PIWIL1: variants seen among roughly 807,000 people sequenced by gnomAD.
The protein encoded by PIWIL1 is piwi like RNA-mediated gene silencing 1, also known as piwi-like protein 1.
Under a neutral mutation model 114.4 loss-of-function variants are expected in PIWIL1, and 73 were observed. That is an observed-to-expected ratio of 0.64 (90% CI 0.53 to 0.78). The LOEUF is 0.78. Ranked by LOEUF, PIWIL1 falls within the 30% of genes least tolerant of loss-of-function variation. The pLI is 0.00. For synonymous variants in PIWIL1, 375 were observed against 369.0 expected (o/e 1.02, Z -0.19); for missense variants, 723 against 1,063.1 (o/e 0.68, Z 4.45).
chr12:130,391,912 A>G, the PIWIL1 span, among the ~76,000 whole-genome samples: 1 of 151,794 alleles, frequency 6.6e-6, no homozygotes, highest in South Asian at 2.1e-4. Flanking sequence ...TGCGTCAGTG[A>G]CCTGGTGAAT....
At chr12:130,347,528 C>G (rs2073101170) in intron 6 of PIWIL1, among the ~76,000 whole-genome samples, 1 of 152,182 alleles carries the variant, frequency 6.6e-6, no homozygotes, top group Admixed American at 6.5e-5. Flanking sequence ...GAGAAACAAT[C>G]TGGATAAGGC....
At chr12:130,376,801 A>G (rs1473062321), downstream of PIWIL1, among the ~76,000 whole-genome samples, 1 of 152,212 alleles carries the variant, frequency 6.6e-6, no homozygotes, top group Non-Finnish European at 1.5e-5. Flanking sequence ...AGTCACAGTG[A>G]TGAAGTCACA....
At chr12:130,425,852 C>G in the PIWIL1 span, 1 of 152,412 alleles carries the variant, frequency 6.6e-6, no homozygotes, top group Admixed American at 6.5e-5. Context: ...TCTGTCCCCC[C>G]TCTTGCTGTG....
intron 11 of PIWIL1, 46 bp from the exon 12 acceptor site, chr12:130,355,507 G>A: frequency 7.4e-7 from 1 of 1,346,122 alleles, no homozygotes; most frequent in Non-Finnish European, 1.1e-6. Context: ...GTGTCTTCTT[G>A]CTGTGTCTCT....
chr12:130,377,352 G>A (rs141234888), downstream of PIWIL1, among the ~76,000 whole-genome samples: 28 of 152,330 alleles, frequency 1.8e-4, 1 homozygote, highest in African/African-American at 6.5e-4. Context: ...CCCAACAGTG[G>A]TCCTTGATCC....
intron 11 of PIWIL1, 22 bp downstream of exon 11, chr12:130,355,027 G>C: frequency 7.0e-7 from 1 of 1,431,272 alleles, no homozygotes; most frequent in African/African-American, 1.4e-5. Context: ...ATTTCACTGG[G>C]GCAGGGTTTC....
the PIWIL1 span, chr12:130,383,736 T>C: frequency 6.6e-6 from 1 of 152,238 alleles, no homozygotes; most frequent in Non-Finnish European, 1.5e-5. Flanking sequence ...TACGTAATTT[T>C]TGTTAAAGCA....
At chr12:130,422,187 C>T in the PIWIL1 span, among the ~76,000 whole-genome samples, 3 of 152,176 alleles carry the variant, frequency 2.0e-5, no homozygotes, top group Non-Finnish European at 4.4e-5. The surrounding 1 kb of genome is among the most constrained non-coding windows in gnomAD (Gnocchi z 5.2). Flanking sequence ...CAAAGTGGTC[C>T]CCCCTTCAGT....
chr12:130,375,055 G>T (rs1042902058), downstream of PIWIL1, among the ~76,000 whole-genome samples: 1 of 151,978 alleles, frequency 6.6e-6, no homozygotes, highest in South Asian at 2.1e-4. Flanking sequence ...GAAACCACTC[G>T]GCTTTGAATC....
At chr12:130,353,767 A>C (rs1157354129) in intron 9 of PIWIL1, among the ~76,000 whole-genome samples, 1 of 151,942 alleles carries the variant, frequency 6.6e-6, no homozygotes, top group East Asian at 1.9e-4. Context: ...TCTCTACTAA[A>C]AATATAAAAT....
chr12:130,338,667 CGGG>C, intron 1 of PIWIL1, among the ~76,000 whole-genome samples: 1 of 47,860 alleles, frequency 2.1e-5, no homozygotes, highest in Admixed American at 2.5e-4. Context: ...ATGCAGGAGC[CGGG>C]TGCGGGGGCG....
At chr12:130,398,389 G>T in the PIWIL1 span, 10 of 152,702 alleles carry the variant, frequency 6.5e-5, no homozygotes, top group African/African-American at 2.4e-4. Context: ...CTTCAAGCTT[G>T]CTTGGATTTA....
At chr12:130,378,253 T>G in the PIWIL1 span, among the ~76,000 whole-genome samples, 2 of 152,194 alleles carry the variant, frequency 1.3e-5, no homozygotes, top group African/African-American at 2.4e-5. Flanking sequence ...CTCTTGTGTC[T>G]GGCTTCTTTT....
intron 19 of PIWIL1, among the ~76,000 whole-genome samples, chr12:130,369,088 T>A (rs1565957807): frequency 2.0e-5 from 3 of 152,118 alleles, no homozygotes; most frequent in Non-Finnish European, 4.4e-5. Context: ...TGTGTCATTC[T>A]CCTCCATGTT....
chr12:130,387,528 CCATT>C, the PIWIL1 span, among the ~76,000 whole-genome samples: 1 of 32,504 alleles, frequency 3.1e-5, no homozygotes, highest in Non-Finnish European at 5.8e-5. Flanking sequence ...CTTCCTGTCT[CCATT>C]CACCCATGCA....
At chr12:130,339,609 C>G (rs867057348) in intron 1 of PIWIL1, 3 of 152,320 alleles carry the variant, frequency 2.0e-5, no homozygotes, top group African/African-American at 7.2e-5. Flanking sequence ...AATTCAATAT[C>G]CAGACTGAGG....
the PIWIL1 span, chr12:130,419,652 G>A: frequency 4.6e-5 from 7 of 152,278 alleles, no homozygotes; most frequent in South Asian, 2.1e-4. The surrounding 1 kb of genome is among the most constrained non-coding windows in gnomAD (Gnocchi z 4.3). Context: ...AAGAAAACAC[G>A]CTGGACTTTC....
At chr12:130,360,132 G>A (rs1266726457) in intron 14 of PIWIL1, among the ~76,000 whole-genome samples, 1 of 152,136 alleles carries the variant, frequency 6.6e-6, no homozygotes, top group Non-Finnish European at 1.5e-5. Flanking sequence ...ATACATCTGT[G>A]TTGCCATAAG....
At chr12:130,392,638 A>G in the PIWIL1 span, among the ~76,000 whole-genome samples, 348 of 119,754 alleles carry the variant, frequency 2.9e-3, 1 homozygote, top group African/African-American at 7.1e-3. Context: ...TACCTGGTGA[A>G]TATTGAATGT....
Sources: allele counts gnomAD v4.1 joint callset (sites outside exome capture counted in the v4.1 genomes callset), GRCh38; gene constraint gnomAD v4.1.1; non-coding constraint Gnocchi (gnomAD v3.1); transcripts MANE v1.5; gene names NCBI Gene and HGNC (gene_info 2026-07-23, HGNC 2026-07-21).